Variants in USP3 observed in about 807,000 individuals in gnomAD.
USP3 encodes ubiquitin carboxyl-terminal hydrolase 3.
In USP3, 20 loss-of-function variants were observed where a neutral mutation model predicts 72.3. That is an observed-to-expected ratio of 0.28 (90% CI 0.19 to 0.40). The LOEUF (loss-of-function observed/expected upper bound fraction) is 0.40. USP3 is among the 10% of genes least tolerant of loss of function. The pLI is 1.00. For synonymous variants in USP3, 222 were observed against 225.3 expected, an observed-to-expected ratio of 0.99 and a Z score of 0.13; for missense variants, 479 against 633.9, an observed-to-expected ratio of 0.76 and a Z score of 2.62.
At chr15:63,512,186 T>G (rs2065792534) in intron 1 of USP3, among the ~76,000 whole-genome samples, 1 of 152,044 alleles carries the variant, frequency 6.6e-6, no homozygotes, top group Non-Finnish European at 1.5e-5. Flanking sequence ...TCCTCCTGCC[T>G]TGGCCTCCCA....
chr15:63,506,940 G>C (rs1567086507), intron 1 of USP3, among the ~76,000 whole-genome samples: 1 of 152,140 alleles, frequency 6.6e-6, no homozygotes, highest in African/African-American at 2.4e-5. Flanking sequence ...GCATCCATTT[G>C]TTGATATAAT....
At chr15:63,584,882 T>C (rs1425992154) in intron 11 of USP3, among the ~76,000 whole-genome samples, 1 of 152,238 alleles carries the variant, frequency 6.6e-6, no homozygotes, top group Non-Finnish European at 1.5e-5. Flanking sequence ...AAGAGTTTTA[T>C]AGTTTTAAGA....
intron 11 of USP3, among the ~76,000 whole-genome samples, chr15:63,580,825 T>C (rs1566917128): frequency 6.6e-6 from 1 of 151,946 alleles, no homozygotes; most frequent in African/African-American, 2.4e-5. Flanking sequence ...TAGACTCTTT[T>C]TGAGATGGAG....
In USP3 at chr15:63,562,949, G is replaced by T; in HGVS notation, c.702G>T (p.Gln234His). 1 of 1,613,164 alleles carries T rather than the reference G, an allele frequency of 6.2e-7. No homozygotes were observed. The highest frequency in any genetic ancestry group is 1.1e-5 in the South Asian group (1 of 90,634). ...TCTGTGCTTTATGGCAAGGCAGCCA[G>T]ACTGCATTTAGCCCAGAGTCCTTAT... ...KTLCALWQGS[Q>H]TAFSPESLFY... The change falls in exon 8 of 15, where the codon CAG (glutamine) becomes CAT (histidine). Residue 234 changes from glutamine to histidine, a missense_variant. Coordinates refer to ENST00000380324, the MANE Select transcript of USP3 (RefSeq NM_006537.4).
At chr15:63,556,508 G>A (rs774049879) in intron 4 of USP3, 159 bp from the exon 5 acceptor site, 14 of 495,800 alleles carry the variant, frequency 2.8e-5, no homozygotes, top group Middle Eastern at 3.0e-4. Flanking sequence ...AGAGCTCCTC[G>A]GTTAACTTCA....
chr15:63,544,992 A>C lies in USP3; in HGVS notation c.284+7836A>C, dbSNP rs2066298916. On this transcript the variant is annotated intron_variant, in intron 3 of 14. Coordinates refer to ENST00000380324, the MANE Select transcript of USP3 (RefSeq NM_006537.4). This position sits in a 1 kb window ranked among gnomAD's most constrained non-coding sequence, Gnocchi z 4.2. Reference sequence around the variant, plus strand: ...AGAATGTTCTTTGAAATGAAGAGAAAAAAGATGAGTTTTTGAGAGTGTATA... The same window carrying C: ...AGAATGTTCTTTGAAATGAAGAGAACAAAGATGAGTTTTTGAGAGTGTATA... 1.3e-5 allele frequency among the ~76,000 whole-genome samples: 2 copies of C among 152,224 alleles called. No homozygotes were observed. Among genetic ancestry groups the C allele is most frequent in the African/African-American group, 4.8e-5 (2 of 41,466 alleles).
intron 11 of USP3, among the ~76,000 whole-genome samples, chr15:63,586,344 C>CT (rs140170927): frequency 2.0e-5 from 3 of 152,086 alleles, no homozygotes; most frequent in African/African-American, 7.2e-5. Flanking sequence ...TGAAGTTCTC[C>CT]TTTTTTCTAG....
At chr15:63,561,716 G>A (rs947374088) in intron 7 of USP3, among the ~76,000 whole-genome samples, 2 of 152,220 alleles carry the variant, frequency 1.3e-5, no homozygotes, top group Non-Finnish European at 2.9e-5. Flanking sequence ...TCGGAAGTGG[G>A]AGGCAAACTC....
At chr15:63,530,839 A>G (rs1337572021) in intron 1 of USP3, among the ~76,000 whole-genome samples, 2 of 152,214 alleles carry the variant, frequency 1.3e-5, no homozygotes, top group Admixed American at 1.3e-4. Flanking sequence ...GGGGAGTACA[A>G]ATAAAAAGCC....
chr15:63,588,862 AAGATT>A lies in USP3; in HGVS notation c.1329+48_1329+52del. On this transcript the variant is annotated intron_variant, in intron 13 of 14. Coordinates refer to ENST00000380324, the MANE Select transcript of USP3 (RefSeq NM_006537.4). The surrounding 1 kb of genome is among the most constrained non-coding windows in gnomAD (Gnocchi z 4.6). ...CATGGTGAAAAAATGGCTCTTCAGT[AAGATT>A]GTCATCACATGGAGAGGGTAGAGGT... 2 of 1,610,352 alleles carry A rather than the reference AAGATT, an allele frequency of 1.2e-6. No homozygotes were observed. Among genetic ancestry groups the A allele is most frequent in the Non-Finnish European group, 1.7e-6 (2 of 1,176,632 alleles).
chr15:63,546,639 G>A (rs776862940), intron 3 of USP3, among the ~76,000 whole-genome samples: 2 of 151,688 alleles, frequency 1.3e-5, no homozygotes, highest in African/African-American at 2.4e-5. Flanking sequence ...TTGCTCTGTC[G>A]CCCAGGCTGG....
intron 1 of USP3, among the ~76,000 whole-genome samples, chr15:63,521,862 C>G (rs1036648496): frequency 6.6e-6 from 1 of 152,132 alleles, no homozygotes; most frequent in African/African-American, 2.4e-5. Context: ...TCTGATAGGC[C>G]TCAGAGGATT....
chr15:63,523,831 G>A (rs1343266023), intron 1 of USP3, among the ~76,000 whole-genome samples: 1 of 152,154 alleles, frequency 6.6e-6, no homozygotes, highest in Non-Finnish European at 1.5e-5. Context: ...TAATTATTTA[G>A]AAGCATTTTT....
At chr15:63,540,076 G>T (rs2066221542) in intron 3 of USP3, among the ~76,000 whole-genome samples, 5 of 152,160 alleles carry the variant, frequency 3.3e-5, no homozygotes, top group Admixed American at 3.3e-4. Flanking sequence ...GTAAAACATT[G>T]GTGCATTAGG....
chr15:63,569,025 C>G (rs2066738473), intron 8 of USP3, among the ~76,000 whole-genome samples: 1 of 152,044 alleles, frequency 6.6e-6, no homozygotes, highest in African/African-American at 2.4e-5. Flanking sequence ...GATGAAAATG[C>G]AAATTGGTAT....
chr15:63,546,375 G>C (rs1039334681), intron 3 of USP3, among the ~76,000 whole-genome samples: 1 of 151,738 alleles, frequency 6.6e-6, no homozygotes, highest in African/African-American at 2.4e-5. Context: ...CTAGGCTTCA[G>C]AGGACCAATC....
chr15:63,587,997 A>C, intron 11 of USP3: 1 of 205,470 alleles, frequency 4.9e-6, no homozygotes, highest in Non-Finnish European at 9.8e-6. Context: ...TTGAAACTTT[A>C]AATTCATCAG....
At chr15:63,568,697 A>C (rs1285550531) in intron 8 of USP3, among the ~76,000 whole-genome samples, 1 of 152,240 alleles carries the variant, frequency 6.6e-6, no homozygotes, top group East Asian at 1.9e-4. Flanking sequence ...CAGATAAGTC[A>C]ATGAAGTTAT....
At chr15:63,583,817 A>ATTTACTTCCTT (rs1172708456) in intron 11 of USP3, among the ~76,000 whole-genome samples, 1 of 152,060 alleles carries the variant, frequency 6.6e-6, no homozygotes, top group East Asian at 1.9e-4. Context: ...TTCCTTTTTG[A>ATTTACTTCCTT]GGCTTAATAT....
Sources: allele counts gnomAD v4.1 joint callset (sites outside exome capture counted in the v4.1 genomes callset), GRCh38; gene constraint gnomAD v4.1.1; non-coding constraint Gnocchi (gnomAD v3.1); transcripts MANE v1.5; gene names NCBI Gene and HGNC (gene_info 2026-07-23, HGNC 2026-07-21).